Variants in PREP observed in about 807,000 individuals in gnomAD.
PREP encodes the protein prolyl endopeptidase.
Under a neutral mutation model 87.6 loss-of-function variants are expected in PREP, and 29 were observed. That is an observed-to-expected ratio of 0.33 (90% confidence interval 0.25 to 0.45). The LOEUF (loss-of-function observed/expected upper bound fraction) is 0.45. Ranked by LOEUF, PREP falls within the 20% of genes least tolerant of loss-of-function variation. PREP has a pLI of 1.00. For missense variants in PREP, 695 were observed against 886.5 expected (o/e 0.78, Z 2.74); for synonymous variants, 337 against 328.6 (o/e 1.03, Z -0.28).
chr6:105,332,613 T>C (rs1771366134), intron 8 of PREP, among the ~76,000 whole-genome samples: 1 of 152,182 alleles, frequency 6.6e-6, no homozygotes, highest in Non-Finnish European at 1.5e-5. Context: ...GGCCTAATAG[T>C]ACTGAATTCT....
intron 12 of PREP, 37 bp from the exon 13 acceptor site, chr6:105,282,619 A>AAAC (rs1770108103): frequency 1.2e-6 from 2 of 1,600,070 alleles, no homozygotes; most frequent in Non-Finnish European, 1.7e-6. Flanking sequence ...TTAATTAACA[A>AAAC]AACATAAAAA....
At chr6:105,386,456 G>GGAAA (rs1315297827) in intron 2 of PREP, among the ~76,000 whole-genome samples, 14 of 152,272 alleles carry the variant, frequency 9.2e-5, no homozygotes, top group African/African-American at 2.6e-4. Flanking sequence ...GCTCCAGAGA[G>GGAAA]TCATGTATAT....
intron 4 of PREP, among the ~76,000 whole-genome samples, chr6:105,374,593 C>A (rs1413119400): frequency 8.0e-6 from 1 of 125,610 alleles, no homozygotes; most frequent in East Asian, 2.3e-4. Context: ...GAAACATATT[C>A]ACCTTTTATT....
At position 105,278,449 on chromosome 6, in the gene PREP, A is replaced by C; in HGVS notation, c.1839-11T>G. On this transcript the variant is annotated splice_polypyrimidine_tract_variant and intron_variant, in intron 14 of 14. Transcript: ENST00000652536. The surrounding 1 kb of genome is among the most constrained non-coding windows in gnomAD (Gnocchi z 4.2). ...TGCAATGGAGAGTATCTGGAAGGCAAAAACACCTTTGTGAGGCTGGAGAGC... is the reference window on the plus strand; with the variant it reads ...TGCAATGGAGAGTATCTGGAAGGCACAAACACCTTTGTGAGGCTGGAGAGC... 3 of 1,603,172 alleles carry C rather than the reference A, an allele frequency of 1.9e-6. No homozygotes were observed. Among genetic ancestry groups the C allele is most frequent in the Non-Finnish European group, 2.6e-6 (3 of 1,171,544 alleles).
chr6:105,373,230 G>A (rs1214014428), intron 5 of PREP, 139 bp downstream of exon 5: 8 of 940,184 alleles, frequency 8.5e-6, no homozygotes, highest in Non-Finnish European at 1.1e-5. Flanking sequence ...ACACAGCAAA[G>A]CCAACTGATA....
At chr6:105,371,580 T>C (rs1290236005) in intron 5 of PREP, among the ~76,000 whole-genome samples, 4 of 151,678 alleles carry the variant, frequency 2.6e-5, no homozygotes, top group Non-Finnish European at 5.9e-5. Flanking sequence ...TATTTGCTGA[T>C]TTTGGAGGCT....
At chr6:105,390,744 C>A (rs914792525) in intron 2 of PREP, among the ~76,000 whole-genome samples, 1 of 151,936 alleles carries the variant, frequency 6.6e-6, no homozygotes, top group African/African-American at 2.4e-5. Flanking sequence ...CAAAACCAAG[C>A]CAGAAAAGTA....
intron 10 of PREP, among the ~76,000 whole-genome samples, chr6:105,317,666 G>A (rs1359194097): frequency 6.6e-6 from 1 of 152,140 alleles, no homozygotes; most frequent in African/African-American, 2.4e-5. Context: ...TCCACATCCT[G>A]CTCAGGGACT....
chr6:105,282,854 G>A (rs1395592649), intron 12 of PREP, among the ~76,000 whole-genome samples: 1 of 152,204 alleles, frequency 6.6e-6, no homozygotes, highest in Non-Finnish European at 1.5e-5. Flanking sequence ...GGGAACAGAT[G>A]GTCGGTTATG....
At chr6:105,400,747 G>A (rs980739759) in intron 1 of PREP, among the ~76,000 whole-genome samples, 4 of 152,106 alleles carry the variant, frequency 2.6e-5, no homozygotes, top group Non-Finnish European at 5.9e-5. Flanking sequence ...CCAAATTTCT[G>A]CCCAAAAAGG....
At chr6:105,324,836 C>A (rs1356336563) in intron 9 of PREP, among the ~76,000 whole-genome samples, 2 of 152,220 alleles carry the variant, frequency 1.3e-5, no homozygotes, top group East Asian at 3.8e-4. Flanking sequence ...GATCCGTGAA[C>A]AGCACAGCTG....
intron 7 of PREP, among the ~76,000 whole-genome samples, chr6:105,346,381 C>T (rs774319930): frequency 2.2e-4 from 34 of 152,216 alleles, no homozygotes; most frequent in Non-Finnish European, 4.3e-4. Context: ...ACCAGATTTC[C>T]TTTTATGGTT....
chr6:105,385,408 G>A (rs538949679), intron 2 of PREP, among the ~76,000 whole-genome samples: 2 of 151,972 alleles, frequency 1.3e-5, no homozygotes, highest in Non-Finnish European at 2.9e-5. Flanking sequence ...CACGGATTGG[G>A]AGAATAAAGT....
chr6:105,327,035 G>A (rs1330331210), intron 9 of PREP, among the ~76,000 whole-genome samples: 1 of 152,176 alleles, frequency 6.6e-6, no homozygotes, highest in Non-Finnish European at 1.5e-5. Flanking sequence ...ATGGTCACAT[G>A]CGGTCACTGA....
At chr6:105,280,259 G>A (rs1770051958) in intron 14 of PREP, among the ~76,000 whole-genome samples, 1 of 152,158 alleles carries the variant, frequency 6.6e-6, no homozygotes, top group Admixed American at 6.5e-5. Context: ...CCGAGATGGC[G>A]CCATTCCACT....
chr6:105,287,095 G>A (rs897666873), intron 11 of PREP, among the ~76,000 whole-genome samples: 2 of 151,852 alleles, frequency 1.3e-5, no homozygotes, highest in Admixed American at 6.6e-5. Context: ...AACATTTATC[G>A]TCTTGCTTTT....
intron 2 of PREP, among the ~76,000 whole-genome samples, chr6:105,392,590 T>C: frequency 6.6e-6 from 1 of 152,138 alleles, no homozygotes; most frequent in East Asian, 1.9e-4. Context: ...TTTGTTTGTT[T>C]TTTTGAGACA....
At chr6:105,354,521 G>GTTT (rs77387653) in intron 6 of PREP, among the ~76,000 whole-genome samples, 2 of 144,336 alleles carry the variant, frequency 1.4e-5, no homozygotes, top group African/African-American at 5.1e-5. Flanking sequence ...TGTTTGTGAA[G>GTTT]TTTTTTTTTT....
rs1360087503 is a variant in PREP, at chr6:105,277,826, G to A, written c.*318C>T. Reference sequence around the variant, plus strand: ...GTTATGGATATAGATAAGTATGCCCGACTATGATCCTTAATTCAGCAATCT... The same window carrying A: ...GTTATGGATATAGATAAGTATGCCCAACTATGATCCTTAATTCAGCAATCT... On this transcript the variant is annotated 3_prime_UTR_variant, in exon 15 of 15. Coordinates refer to ENST00000652536, the MANE Select transcript of PREP (RefSeq NM_002726.5). 2.9e-6 allele frequency: 1 copy of A among 343,262 alleles called. No homozygotes were observed. 21.3% of individuals were successfully genotyped at this position (343,262 alleles called of 1,614,324 possible).
Sources: gnomAD v4.1 joint callset for allele counts (sites outside exome capture counted in the v4.1 genomes callset) on GRCh38, gnomAD v4.1.1 for gene constraint, Gnocchi (gnomAD v3.1) non-coding constraint, MANE v1.5 for transcripts, NCBI Gene and HGNC (gene_info 2026-07-23, HGNC 2026-07-21) for gene names.